The following ADARB2 variants were observed in gnomAD, a reference collection of about 807,000 sequenced individuals.
ADARB2 encodes the protein adenosine deaminase RNA specific B2 (inactive).
A neutral mutation model predicts 62.2 loss-of-function variants in ADARB2; 25 were observed. That is an observed-to-expected ratio of 0.40 (90% CI 0.29 to 0.56). The LOEUF (loss-of-function observed/expected upper bound fraction) is 0.56. Among genes scored for constraint, ADARB2 ranks in the 20% least tolerant of loss-of-function variants. The probability of loss-of-function intolerance (pLI) is 0.43; values close to 1 mark genes in which losing one functional copy is unlikely to be tolerated. For synonymous variants in ADARB2, 572 were observed against 500.8 expected (o/e 1.14, Z -1.90); for missense variants, 1,071 against 1,077.4 (o/e 0.99, Z 0.08).
At chr10:1,722,585 G>A (rs191549601) in intron 1 of ADARB2, among the ~76,000 whole-genome samples, 206 of 152,232 alleles carry the variant, frequency 1.4e-3, no homozygotes, top group African/African-American at 4.7e-3. Context: ...GGGTTTTATC[G>A]AATGAATAAT....
At chr10:1,558,649 G>A (rs12767649) in intron 1 of ADARB2, among the ~76,000 whole-genome samples, 6,233 of 19,226 alleles carry the variant, frequency 0.32, 350 homozygotes, top group East Asian at 0.48. Flanking sequence ...GCCCCCCTCC[G>A]TGGGTGCTCA....
rs1002000128 is a variant in ADARB2 at position 1,598,443 on chromosome 10, A to T, written c.100+138608T>A. ...TATAGAAATAAAATAAATGAGGATCATAACTTAAAATAACAAAAGCAAGTC... is the reference window on the plus strand; with the variant it reads ...TATAGAAATAAAATAAATGAGGATCTTAACTTAAAATAACAAAAGCAAGTC... On this transcript the variant is annotated intron_variant, in intron 1 of 9. Transcript: ENST00000381312. 2.0e-5 allele frequency among the ~76,000 whole-genome samples: 3 copies of T among 152,260 alleles called. No homozygotes were observed. The East Asian group carries it at 5.8e-4, about 29-fold the overall frequency.
At chr10:1,694,698 C>T (rs993407088) in intron 1 of ADARB2, among the ~76,000 whole-genome samples, 6 of 152,222 alleles carry the variant, frequency 3.9e-5, no homozygotes, top group African/African-American at 1.4e-4. Context: ...AAGTAAGGTA[C>T]ATTTGGACAA....
intron 1 of ADARB2, among the ~76,000 whole-genome samples, chr10:1,679,118 T>C (rs190248251): frequency 5.6e-4 from 86 of 152,224 alleles, no homozygotes; most frequent in African/African-American, 2.0e-3. Context: ...ACAGCAAATA[T>C]GGGGCAGTTG....
chr10:1,559,065 G>A lies in ADARB2; in HGVS notation c.100+177986C>T, dbSNP rs897435833. On this transcript the variant is annotated intron_variant, in intron 1 of 9. Transcript: ENST00000381312. Reference sequence around the variant, plus strand: ...CAATCGCATCCCCAGTGCTGAGACAGTCCACGTACACATCCACATGAGGCT... The same window carrying A: ...CAATCGCATCCCCAGTGCTGAGACAATCCACGTACACATCCACATGAGGCT... 1.6e-4 allele frequency among the ~76,000 whole-genome samples: 24 copies of A among 152,208 alleles called. 1 individual carries two copies. Among genetic ancestry groups the A allele is most frequent in the Admixed American group, 1.1e-3 (17 of 15,284 alleles).
intron 1 of ADARB2, among the ~76,000 whole-genome samples, chr10:1,693,230 G>A (rs1162042135): frequency 1.3e-5 from 2 of 152,174 alleles, no homozygotes; most frequent in East Asian, 3.9e-4. Flanking sequence ...AGGGGCCTTG[G>A]CAACAATCCC....
chr10:1,537,610 C>T (rs960101914), intron 1 of ADARB2, among the ~76,000 whole-genome samples: 6 of 152,204 alleles, frequency 3.9e-5, no homozygotes, highest in African/African-American at 1.4e-4. Flanking sequence ...GGCATATATA[C>T]AGCATGGAAT....
intron 1 of ADARB2, among the ~76,000 whole-genome samples, chr10:1,651,370 G>A (rs1834107712): frequency 6.6e-6 from 1 of 152,232 alleles, no homozygotes; most frequent in Admixed American, 6.5e-5. Flanking sequence ...GGGGTGTTGG[G>A]GTGGCTGGGG....
chr10:1,616,644 C>T (rs1430157782), intron 1 of ADARB2, among the ~76,000 whole-genome samples: 25 of 130,016 alleles, frequency 1.9e-4, no homozygotes, highest in African/African-American at 4.5e-4. Flanking sequence ...TTTGTGTGCC[C>T]GTCCAGACAC....
intron 1 of ADARB2, among the ~76,000 whole-genome samples, chr10:1,599,667 G>T (rs1833382496): frequency 6.6e-6 from 1 of 152,248 alleles, no homozygotes; most frequent in Non-Finnish European, 1.5e-5. Context: ...GTGGGTCAGT[G>T]AGGGGTTTAG....
chr10:1,568,874 G>A (rs75217397), intron 1 of ADARB2, among the ~76,000 whole-genome samples: 1 of 152,092 alleles, frequency 6.6e-6, no homozygotes, highest in East Asian at 1.9e-4. Flanking sequence ...ACACACGGCA[G>A]AATCCCCCAT....
In ADARB2 at chr10:1,658,260, TTC is replaced by T. The variant is rs777946026; in HGVS notation, c.100+78789_100+78790del. Among the ~76,000 whole-genome samples, 10 of 151,750 alleles carry T rather than the reference TTC, an allele frequency of 6.6e-5. 1 individual carries two copies. Among genetic ancestry groups the T allele is most frequent in the East Asian group, 3.9e-4 (2 of 5,160 alleles). ...TCTCTCTGTATGTCTCTCTGTCTGATTCTCTCTGTTTTTCTCTGTCTCTCTCT... is the reference window on the plus strand; with the variant it reads ...TCTCTCTGTATGTCTCTCTGTCTGATTCTCTGTTTTTCTCTGTCTCTCTCT... On this transcript the variant is annotated intron_variant, in intron 1 of 9. Coordinates refer to ENST00000381312, the MANE Select transcript of ADARB2 (RefSeq NM_018702.4).
At chr10:1,329,871 C>T (rs534902019) in intron 3 of ADARB2, among the ~76,000 whole-genome samples, 3 of 150,282 alleles carry the variant, frequency 2.0e-5, no homozygotes, top group South Asian at 2.1e-4. Context: ...ATGAAGGCTC[C>T]GGACCAGGGG....
At chr10:1,565,042 C>G (rs760147847) in intron 1 of ADARB2, among the ~76,000 whole-genome samples, 3 of 152,212 alleles carry the variant, frequency 2.0e-5, no homozygotes, top group African/African-American at 7.2e-5. Flanking sequence ...CCCTCCCTCC[C>G]GTGCAGGGCT....
At chr10:1,549,789 G>A (rs1832588274) in intron 1 of ADARB2, among the ~76,000 whole-genome samples, 1 of 152,140 alleles carries the variant, frequency 6.6e-6, no homozygotes, top group South Asian at 2.1e-4. Flanking sequence ...CCCTGTTCAA[G>A]CGTGGGAACC....
intron 1 of ADARB2, among the ~76,000 whole-genome samples, chr10:1,486,081 G>A (rs1242497019): frequency 6.6e-6 from 1 of 152,174 alleles, no homozygotes; most frequent in Non-Finnish European, 1.5e-5. Flanking sequence ...GTTCCTAGAG[G>A]TGCCACATCG....
At chr10:1,413,500 A>C (rs112696988) in intron 1 of ADARB2, among the ~76,000 whole-genome samples, 3,097 of 152,276 alleles carry the variant, frequency 0.02, 42 homozygotes, top group Non-Finnish European at 0.032. Flanking sequence ...GAATACCATA[A>C]ATTACAGCTG....
chr10:1,507,061 C>T (rs994838407), intron 1 of ADARB2, among the ~76,000 whole-genome samples: 14 of 152,242 alleles, frequency 9.2e-5, no homozygotes, highest in African/African-American at 3.4e-4. Flanking sequence ...GCCACCCAGT[C>T]TGTGCCCCGC....
At chr10:1,525,825 G>A (rs965004147) in intron 1 of ADARB2, among the ~76,000 whole-genome samples, 14 of 152,130 alleles carry the variant, frequency 9.2e-5, no homozygotes, top group African/African-American at 3.1e-4. Context: ...ACGTGTGTGC[G>A]CATGTGTATG....
Sources: allele counts gnomAD v4.1 joint callset (sites outside exome capture counted in the v4.1 genomes callset), GRCh38; gene constraint gnomAD v4.1.1; transcripts MANE v1.5; gene names NCBI Gene and HGNC (gene_info 2026-07-23, HGNC 2026-07-21).